The following SLC41A2 variants were observed in gnomAD, a reference collection of about 807,000 sequenced individuals.
SLC41A2 encodes SLC41A1-like 1.
In SLC41A2, 32 loss-of-function variants were observed where a neutral mutation model predicts 58.3. The ratio of observed to expected loss-of-function variants is 0.55; its 90% CI spans 0.41 to 0.74. The LOEUF (loss-of-function observed/expected upper bound fraction) is 0.74. Among genes scored for constraint, SLC41A2 ranks in the 30% least tolerant of loss-of-function variants. The pLI is 0.00. For missense variants in SLC41A2, 514 were observed against 680.6 expected (o/e 0.76, Z 2.72); for synonymous variants, 190 against 235.0 (o/e 0.81, Z 1.75).
chr12:104,848,896 C>CCACACACA lies in SLC41A2; in HGVS notation c.1256-2930_1256-2923dup, dbSNP rs3039361. On this transcript the variant is annotated intron_variant, in intron 8 of 10. Coordinates refer to ENST00000258538, the MANE Select transcript of SLC41A2 (RefSeq NM_001352171.3). Reference sequence around the variant, plus strand: ...AAGTAGGACTTCTTTAACTTGATAACCACACACACACACACACACACACAC... The same window carrying CCACACACA: ...AAGTAGGACTTCTTTAACTTGATAACCACACACACACACACACACACACACACACACAC... 3.3e-3 allele frequency among the ~76,000 whole-genome samples: 487 copies of CCACACACA among 147,192 alleles called. 14 individuals carry two copies. The East Asian group carries it at 0.068, about 20-fold the overall frequency.
At chr12:104,854,348 G>A (rs916809102) in intron 8 of SLC41A2, among the ~76,000 whole-genome samples, 2 of 152,030 alleles carry the variant, frequency 1.3e-5, no homozygotes, top group Non-Finnish European at 2.9e-5. Flanking sequence ...CGGATCACGA[G>A]GTCAGGAGAT....
intron 6 of SLC41A2, among the ~76,000 whole-genome samples, chr12:104,867,614 A>C (rs2010981): frequency 3.3e-5 from 5 of 150,430 alleles, no homozygotes; most frequent in Admixed American, 6.6e-5. Context: ...ATACAAACCC[A>C]AAATTTTTAT....
At chr12:104,811,621 G>A (rs192986712) in intron 10 of SLC41A2, among the ~76,000 whole-genome samples, 180 of 152,070 alleles carry the variant, frequency 1.2e-3, no homozygotes, top group African/African-American at 4.1e-3. Flanking sequence ...TATTTGCTTC[G>A]GATCATTGAT....
chr12:104,812,521 T>C (rs1040683756), intron 10 of SLC41A2, among the ~76,000 whole-genome samples: 2 of 151,710 alleles, frequency 1.3e-5, no homozygotes, highest in East Asian at 3.9e-4. Context: ...GTGTTGAGAG[T>C]AAATGAAAGG....
rs548444460 is a variant in SLC41A2 at position 104,802,088 on chromosome 12, A to G, written c.*3064T>C. 2.0e-5 allele frequency among the ~76,000 whole-genome samples: 3 copies of G among 152,302 alleles called. No individual in the cohort carries two copies. The South Asian group carries it at 6.2e-4, about 32-fold the overall frequency. On this transcript the variant is annotated 3_prime_UTR_variant, in exon 11 of 11. Coordinates refer to ENST00000258538, the MANE Select transcript of SLC41A2 (RefSeq NM_001352171.3). ...TGGCCTTTATTTGGCTATATCATTG[A>G]TAGTCTATGGTGTGGAATTTTTGGA...
intron 1 of SLC41A2, among the ~76,000 whole-genome samples, chr12:104,948,479 T>C (rs1188067929): frequency 6.6e-6 from 1 of 152,206 alleles, no homozygotes; most frequent in East Asian, 1.9e-4. Context: ...CTTTCTCTTA[T>C]ATATACTGAC....
intron 8 of SLC41A2, among the ~76,000 whole-genome samples, chr12:104,856,469 A>C (rs2043023401): frequency 6.6e-6 from 1 of 152,168 alleles, no homozygotes; most frequent in Admixed American, 6.5e-5. Context: ...TACAGACTAC[A>C]CTTGGGAAAG....
chr12:104,930,033 T>G (rs2046993090), intron 1 of SLC41A2, among the ~76,000 whole-genome samples: 1 of 152,206 alleles, frequency 6.6e-6, no homozygotes, highest in South Asian at 2.1e-4. Context: ...CTCTCTCTTG[T>G]GATTACAGAG....
Position 104,814,799 on chromosome 12 carries a change from T to G in SLC41A2, c.1537-9462A>C, listed in dbSNP as rs183470278. Among the ~76,000 whole-genome samples, 206 of 152,328 alleles carry G rather than the reference T, an allele frequency of 1.4e-3. 2 individuals carry two copies. The highest frequency in any genetic ancestry group is 0.012 in the Admixed American group (184 of 15,294). On this transcript the variant is annotated intron_variant, in intron 10 of 10. Transcript: ENST00000258538. ...ATCAATTATTACACTGTCTCAGAAT[T>G]TATGGACTTTATTTAAAAGATTGTT...
intron 10 of SLC41A2, among the ~76,000 whole-genome samples, chr12:104,834,940 A>T (rs1392520050): frequency 2.0e-5 from 3 of 152,168 alleles, no homozygotes; most frequent in African/African-American, 7.2e-5. Flanking sequence ...AGTGACTCCA[A>T]GGAATGGAGT....
chr12:104,819,657 A>G (rs977339032), intron 10 of SLC41A2, among the ~76,000 whole-genome samples: 5 of 152,256 alleles, frequency 3.3e-5, no homozygotes, highest in African/African-American at 1.2e-4. Context: ...ATTGGCACTC[A>G]GCATCCATTC....
intron 10 of SLC41A2, among the ~76,000 whole-genome samples, chr12:104,818,789 A>G (rs1359041681): frequency 2.6e-5 from 4 of 152,152 alleles, no homozygotes; most frequent in Admixed American, 2.6e-4. Context: ...AGGCAGGAGA[A>G]TTGTTTGAAC....
intron 8 of SLC41A2, among the ~76,000 whole-genome samples, chr12:104,860,240 G>C (rs967013771): frequency 2.0e-5 from 3 of 151,966 alleles, no homozygotes; most frequent in African/African-American, 7.3e-5. Flanking sequence ...TGTCAGGTGG[G>C]GGGCAAGGGG....
intron 6 of SLC41A2, among the ~76,000 whole-genome samples, chr12:104,881,009 T>C (rs1407320551): frequency 6.6e-6 from 1 of 152,218 alleles, no homozygotes; most frequent in East Asian, 1.9e-4. Flanking sequence ...TATTGGTCTA[T>C]TCAGGGATTC....
chr12:104,904,368 T>C (rs979727007), intron 3 of SLC41A2, among the ~76,000 whole-genome samples: 2 of 152,234 alleles, frequency 1.3e-5, no homozygotes, highest in African/African-American at 4.8e-5. Flanking sequence ...GTTGCCACTT[T>C]TGTTTCTCAA....
Position 104,803,627 on chromosome 12 carries a change from G to T in SLC41A2, c.*1525C>A, listed in dbSNP as rs932508414. 4 of 152,024 alleles carry T rather than the reference G, an allele frequency of 2.6e-5. No homozygotes were observed. The East Asian group carries it at 7.7e-4, about 29-fold the overall frequency. The allele number at this position is 152,024 out of a possible 1,614,324, so 9.4% of individuals were successfully genotyped here. ...CAGCTTAAATTATTAAATATCTAAC[G>T]GTCTTGAGAGATTGAATTTTAAAAA... On this transcript the variant is annotated 3_prime_UTR_variant, in exon 11 of 11. Coordinates refer to ENST00000258538, the MANE Select transcript of SLC41A2 (RefSeq NM_001352171.3).
intron 10 of SLC41A2, among the ~76,000 whole-genome samples, chr12:104,806,514 G>T (rs991869594): frequency 6.6e-6 from 1 of 152,148 alleles, no homozygotes; most frequent in Non-Finnish European, 1.5e-5. Context: ...GACTAGTGCT[G>T]CAATAAACAT....
At chr12:104,861,407 G>A in intron 7 of SLC41A2, 37 bp from the exon 8 acceptor site, 1 of 1,451,202 alleles carries the variant, frequency 6.9e-7, no homozygotes, top group Non-Finnish European at 9.6e-7. Context: ...AGAGAAGAGG[G>A]AAGAGAACAT....
chr12:104,805,340 A>G lies in SLC41A2; in HGVS notation c.1537-3T>C. 6.2e-7 allele frequency: 1 copy of G among 1,611,600 alleles called. No individual in the cohort carries two copies. Among genetic ancestry groups the G allele is most frequent in the Non-Finnish European group, 8.5e-7 (1 of 1,178,806 alleles). On this transcript the variant is annotated splice_region_variant and splice_polypyrimidine_tract_variant and intron_variant, in intron 10 of 10. Coordinates refer to ENST00000258538, the MANE Select transcript of SLC41A2 (RefSeq NM_001352171.3). ...GCAATCCACAGCAAGGTAAATACCT[A>G]GAAGAGAACAACAGAGATTACTCCG...
Sources: gnomAD v4.1 joint callset for allele counts (sites outside exome capture counted in the v4.1 genomes callset) on GRCh38, gnomAD v4.1.1 for gene constraint, MANE v1.5 for transcripts, NCBI Gene and HGNC (gene_info 2026-07-23, HGNC 2026-07-21) for gene names.